The following SYNE1 variants were observed in gnomAD, a reference collection of about 807,000 sequenced individuals.
SYNE1 encodes the protein nesprin-1.
Under a neutral mutation model 1,111.0 loss-of-function variants are expected in SYNE1, and 616 were observed. The ratio of observed to expected loss-of-function variants is 0.55; its 90% CI spans 0.52 to 0.59. The LOEUF (loss-of-function observed/expected upper bound fraction) is 0.59. Ranked by LOEUF, SYNE1 falls within the 20% of genes least tolerant of loss-of-function variation. The probability of loss-of-function intolerance (pLI) is 0.00; values close to 1 mark genes in which losing one functional copy is unlikely to be tolerated. For missense variants in SYNE1, 10,006 were observed against 10,417.0 expected (o/e 0.96, Z 1.72); for synonymous variants, 3,855 against 3,825.8 (o/e 1.01, Z -0.28).
chr6:152,409,156 T>A lies in SYNE1; in HGVS notation c.6452A>T (p.His2151Leu). The change falls in exon 44 of 146, where the codon CAC (histidine) becomes CTC (leucine). Residue 2151 changes from histidine (H) to leucine (L), a missense_variant. By Grantham distance (99) the His-to-Leu change is moderately conservative (BLOSUM62 -3). Around this residue, in one of 7 missense-constraint regions of SYNE1, gnomAD observed 4,955 missense variants for 5,017.2 expected, o/e 0.99. Coordinates refer to ENST00000367255, the MANE Select transcript of SYNE1 (RefSeq NM_182961.4). ...DLDNFTSKGK[H>L]LLSELKKIHS... Reference sequence around the variant, plus strand: ...AATTTTCTTCAGCTCAGATAACAAGTGTTTTCCTTTGCTGGTAAAGTTATC... The same window carrying A: ...AATTTTCTTCAGCTCAGATAACAAGAGTTTTCCTTTGCTGGTAAAGTTATC... The A allele has an allele frequency of 6.2e-7, 1 of 1,614,152 alleles. No homozygotes were observed. The highest frequency in any genetic ancestry group is 1.3e-5 in the African/African-American group (1 of 75,048).
chr6:152,209,075 T>C (rs2077053913), intron 124 of SYNE1, among the ~76,000 whole-genome samples: 1 of 152,230 alleles, frequency 6.6e-6, no homozygotes, highest in South Asian at 2.1e-4. Flanking sequence ...AGAATGAGTT[T>C]CTATGTAGAT....
At chr6:152,476,697 T>C (rs1451703213) in intron 14 of SYNE1, among the ~76,000 whole-genome samples, 1 of 151,848 alleles carries the variant, frequency 6.6e-6, no homozygotes, top group Non-Finnish European at 1.5e-5. Flanking sequence ...GGTGAAACCC[T>C]ATCTCTCCAA....
chr6:152,435,204 G>C (rs1410512082), intron 33 of SYNE1: 1 of 152,016 alleles, frequency 6.6e-6, no homozygotes, highest in Non-Finnish European at 1.5e-5. Flanking sequence ...ATGATGGCCT[G>C]TCCCTTAATA....
In SYNE1 at chr6:152,253,817, GGTTT is replaced by G. The variant is rs2090041325; in HGVS notation, c.19470+1059_19470+1062del. ...ATGCTACATTTATGTGTAGTGGTTT[GGTTT>G]TTTTTTTTTTTTTTTTTTTTTTTTT... On this transcript the variant is annotated intron_variant, in intron 104 of 145. Transcript: ENST00000367255. 1.5e-3 allele frequency among the ~76,000 whole-genome samples: 91 copies of G among 59,150 alleles called. 6 individuals carry two copies. Among genetic ancestry groups the G allele is most frequent in the African/African-American group, 5.8e-3 (72 of 12,352 alleles). The allele number at this position is 59,150 out of a possible 152,430, so 38.8% of individuals were successfully genotyped here.
intron 3 of SYNE1, among the ~76,000 whole-genome samples, chr6:152,555,085 A>G (rs892968018): frequency 6.6e-6 from 1 of 152,220 alleles, no homozygotes; most frequent in African/African-American, 2.4e-5. Flanking sequence ...AAAAAGCAAC[A>G]TGATGAGAAA....
At chr6:152,273,497 G>A (rs1458017185) in intron 98 of SYNE1, among the ~76,000 whole-genome samples, 1 of 151,998 alleles carries the variant, frequency 6.6e-6, no homozygotes, top group African/African-American at 2.4e-5. Flanking sequence ...TGAGAAAACT[G>A]ATCCGTAAGA....
At chr6:152,591,524 G>T (rs1429052353) in intron 3 of SYNE1, among the ~76,000 whole-genome samples, 1 of 152,112 alleles carries the variant, frequency 6.6e-6, no homozygotes, top group African/African-American at 2.4e-5. Context: ...ATATATTAAA[G>T]ATTTAAATGT....
chr6:152,154,633 G>A (rs1264068811), intron 133 of SYNE1, among the ~76,000 whole-genome samples: 1 of 152,180 alleles, frequency 6.6e-6, no homozygotes, highest in East Asian at 1.9e-4. Flanking sequence ...GAGGAATCAC[G>A]ATTCTTCTTT....
intron 8 of SYNE1, among the ~76,000 whole-genome samples, chr6:152,507,907 C>G (rs1258833795): frequency 6.6e-6 from 1 of 152,110 alleles, no homozygotes; most frequent in African/African-American, 2.4e-5. Flanking sequence ...AAATTTATTT[C>G]TCAAATATTT....
At chr6:152,216,327 C>T (rs1277383639) in intron 121 of SYNE1, among the ~76,000 whole-genome samples, 3 of 152,142 alleles carry the variant, frequency 2.0e-5, no homozygotes, top group African/African-American at 4.8e-5. Context: ...CAACAGTAGT[C>T]CCCTACTCAC....
At chr6:152,570,972 G>C (rs1373033965) in intron 3 of SYNE1, among the ~76,000 whole-genome samples, 1 of 152,148 alleles carries the variant, frequency 6.6e-6, no homozygotes, top group Non-Finnish European at 1.5e-5. Flanking sequence ...GATGCACAAA[G>C]GGGGATTCAT....
Position 152,520,520 on chromosome 6 carries a change from A to T in SYNE1, c.248T>A (p.Met83Lys), listed in dbSNP as rs1160242452. Residue 83 changes from methionine (M) to lysine (K), a missense_variant, in exon 6 of 146, where the codon ATG becomes AAG. Physicochemically the swap from Met to Lys is moderately conservative, Grantham distance 95. Coordinates refer to ENST00000367255, the MANE Select transcript of SYNE1 (RefSeq NM_182961.4). ...QKLPCEQGRR[M>K]KRIHAVANIG... ...GTTAGCCACAGCATGGATTCGCTTCATCCGGCGTCCTTGTTCACAAGGCTG... is the reference window on the plus strand; with the variant it reads ...GTTAGCCACAGCATGGATTCGCTTCTTCCGGCGTCCTTGTTCACAAGGCTG... The T allele has an allele frequency of 2.5e-6, 4 of 1,613,728 alleles. No homozygotes were observed. The highest frequency in any genetic ancestry group is 3.4e-6 in the Non-Finnish European group (4 of 1,179,736).
intron 3 of SYNE1, among the ~76,000 whole-genome samples, chr6:152,558,035 G>A (rs150178268): frequency 6.2e-4 from 94 of 152,212 alleles, no homozygotes; most frequent in African/African-American, 2.1e-3. Flanking sequence ...ATAAAAAGAT[G>A]TAAATTGTGA....
intron 59 of SYNE1, among the ~76,000 whole-genome samples, chr6:152,371,890 A>AAGGAAAGGAAAGGACAGGAC (rs2097192053): frequency 1.9e-5 from 2 of 105,824 alleles, no homozygotes; most frequent in African/African-American, 8.3e-5. Flanking sequence ...AAGGAAAGGA[A>AAGGAAAGGAAAGGACAGGAC]AGGAAAGGAA....
intron 39 of SYNE1, among the ~76,000 whole-genome samples, chr6:152,424,581 C>T (rs114526447): frequency 1.7e-3 from 266 of 152,230 alleles, no homozygotes; most frequent in African/African-American, 6.1e-3. Context: ...AGGTTTTGTT[C>T]ATTTTTATGG....
intron 30 of SYNE1, 21 bp downstream of exon 30, chr6:152,444,390 G>A: frequency 6.2e-7 from 1 of 1,612,188 alleles, no homozygotes; most frequent in Non-Finnish European, 8.5e-7. Flanking sequence ...TAATCTTGTT[G>A]GAAGAAAGAG....
At chr6:152,547,087 A>T (rs7454809) in intron 3 of SYNE1, 19,818 of 152,284 alleles carry the variant, frequency 0.13, 2,265 homozygotes, top group African/African-American at 0.3. Flanking sequence ...ATACCCCACC[A>T]GCATGTAGCC....
intron 44 of SYNE1, among the ~76,000 whole-genome samples, chr6:152,407,641 C>T (rs544125): frequency 0.42 from 63,728 of 151,610 alleles, 13,844 homozygotes; most frequent in East Asian, 0.75. Context: ...TGAAAGCAAC[C>T]AATTTTGCAC....
intron 105 of SYNE1, among the ~76,000 whole-genome samples, chr6:152,248,904 T>C (rs191590511): frequency 6.6e-6 from 1 of 152,330 alleles, no homozygotes; most frequent in East Asian, 1.9e-4. Context: ...AATCTCATCA[T>C]TGGGCAGAAA....
Sources: allele counts gnomAD v4.1 joint callset (sites outside exome capture counted in the v4.1 genomes callset), GRCh38; gene constraint gnomAD v4.1.1; regional missense constraint gnomAD v4.1.1; transcripts MANE v1.5; gene names NCBI Gene and HGNC (gene_info 2026-07-23, HGNC 2026-07-21).